UNC79: variants seen among roughly 807,000 people sequenced by gnomAD.
The protein encoded by UNC79 is protein unc-79 homolog.
Under a neutral mutation model 283.1 loss-of-function variants are expected in UNC79, and 37 were observed. The observed-to-expected ratio is 0.13, with a 90% CI of 0.10 to 0.17. The LOEUF (loss-of-function observed/expected upper bound fraction) is 0.17. UNC79 is among the 10% of genes least tolerant of loss of function. The pLI is 1.00. For synonymous variants in UNC79, 1,107 were observed against 1,200.2 expected (o/e 0.92, Z 1.61); for missense variants, 2,272 against 3,211.1 (o/e 0.71, Z 7.07).
At chr14:93,610,122 T>G (rs1449940747) in intron 26 of UNC79, among the ~76,000 whole-genome samples, 1 of 152,134 alleles carries the variant, frequency 6.6e-6, no homozygotes, top group Non-Finnish European at 1.5e-5. Context: ...CATGCCCACT[T>G]GTAATGAGAA....
At chr14:93,468,093 C>T (rs2057309760) in intron 2 of UNC79, among the ~76,000 whole-genome samples, 2 of 152,012 alleles carry the variant, frequency 1.3e-5, no homozygotes, top group South Asian at 4.1e-4. Flanking sequence ...AAAGGATAGC[C>T]TACAATTGCT....
In UNC79 at chr14:93,617,618, T is replaced by C. The variant is rs2066823029; in HGVS notation, c.4224+314T>C. Among the ~76,000 whole-genome samples the C allele has an allele frequency of 1.3e-5, 2 of 152,176 alleles. No homozygotes were observed. Among genetic ancestry groups the C allele is most frequent in the African/African-American group, 4.8e-5 (2 of 41,438 alleles). On this transcript the variant is annotated intron_variant, in intron 28 of 48. Coordinates refer to ENST00000555664, the Ensembl canonical transcript of UNC79. This position sits in a 1 kb window ranked among gnomAD's most constrained non-coding sequence, Gnocchi z 4.5. Reference sequence around the variant, plus strand: ...TTATTATTTCAGAAAACAAAAGATATCTGAAATTGTATTCATCCACTAAAG... The same window carrying C: ...TTATTATTTCAGAAAACAAAAGATACCTGAAATTGTATTCATCCACTAAAG...
In UNC79 at chr14:93,371,881, G is replaced by T. The variant is rs56267076; in HGVS notation, c.-351+38358G>T. ...AAAAACAACTGACTTCTCAGAAACC[G>T]TGCAAACAAGATGATAGTGGAGTGA... On this transcript the variant is annotated intron_variant, in intron 1 of 49. Coordinates refer to the UNC79 transcript ENST00000256339. Among the ~76,000 whole-genome samples the T allele has an allele frequency of 1.5e-4, 23 of 151,744 alleles. No individual in the cohort carries two copies. The East Asian group carries it at 4.3e-3, about 28-fold the overall frequency.
At chr14:93,508,230 G>A (rs1346989740) in intron 7 of UNC79, among the ~76,000 whole-genome samples, 9 of 149,052 alleles carry the variant, frequency 6.0e-5, no homozygotes, top group African/African-American at 9.8e-5. Flanking sequence ...CACTAAACCC[G>A]AAAAAAGGCC....
At chr14:93,364,935 G>GT (rs141849369) in intron 1 of UNC79, among the ~76,000 whole-genome samples, 2,640 of 152,128 alleles carry the variant, frequency 0.017, 58 homozygotes, top group Non-Finnish European at 0.025. Flanking sequence ...AAATTCTCAA[G>GT]TACAGAAGTG....
chr14:93,565,914 T>C (rs1454750575), intron 14 of UNC79, among the ~76,000 whole-genome samples: 1 of 152,148 alleles, frequency 6.6e-6, no homozygotes, highest in Non-Finnish European at 1.5e-5. Flanking sequence ...CCTGTGTGGG[T>C]ATCTATTCGG....
chr14:93,667,581 C>T (rs1441956458), intron 40 of UNC79, among the ~76,000 whole-genome samples: 1 of 152,060 alleles, frequency 6.6e-6, no homozygotes, highest in African/African-American at 2.4e-5. Flanking sequence ...AAAACTATTC[C>T]AGCTTTAGAG....
chr14:93,582,406 C>A, intron 20 of UNC79, 62 bp downstream of exon 20: 6 of 1,587,446 alleles, frequency 3.8e-6, no homozygotes, highest in Middle Eastern at 2.0e-4. Flanking sequence ...CTCAAATCAC[C>A]GGGTTCTTGG....
At chr14:93,521,053 G>A (rs901552105) in intron 7 of UNC79, among the ~76,000 whole-genome samples, 5 of 151,994 alleles carry the variant, frequency 3.3e-5, no homozygotes, top group Non-Finnish European at 7.4e-5. Context: ...TGGCAATCAA[G>A]CTACTTGTGG....
chr14:93,422,450 G>C lies in UNC79; in HGVS notation c.-350-45221G>C, dbSNP rs185549110. On this transcript the variant is annotated intron_variant, in intron 1 of 49. Coordinates refer to the UNC79 transcript ENST00000256339. ...TCAGACTTAAGGTCTGTGTTGATGT[G>C]AATGCTGGTTGGCCTTTCCTGAATT... 1.1e-4 allele frequency among the ~76,000 whole-genome samples: 16 copies of C among 152,266 alleles called. No individual in the cohort carries two copies. In the East Asian group the frequency reaches 2.9e-3, roughly 28 times the overall value.
Position 93,523,969 on chromosome 14 carries a change from A to G in UNC79, c.899-9A>G. The G allele has an allele frequency of 3.1e-6, 5 of 1,614,042 alleles. No individual in the cohort carries two copies. The highest frequency in any genetic ancestry group is 4.2e-6 in the Non-Finnish European group (5 of 1,179,878). On this transcript the variant is annotated splice_polypyrimidine_tract_variant and intron_variant, in intron 7 of 48. Transcript: ENST00000555664. ...GAGAAGTATTCATCAGCTGTGCTTT[A>G]CTTTACAGCTTGGAATCCCATCCAC...
intron 31 of UNC79, 115 bp downstream of exon 33, chr14:93,631,023 A>C: frequency 1.0e-6 from 1 of 970,982 alleles, no homozygotes; most frequent in Non-Finnish European, 1.6e-6. Context: ...ATGTTGCATC[A>C]GCTTCCTTGG....
chr14:93,616,735 A>G (rs1380313248), intron 27 of UNC79, among the ~76,000 whole-genome samples: 1 of 152,170 alleles, frequency 6.6e-6, no homozygotes, highest in Admixed American at 6.5e-5. Context: ...TTTGGTTGGT[A>G]TAATACTTGG....
intron 22 of UNC79, among the ~76,000 whole-genome samples, chr14:93,587,946 C>T (rs2064337309): frequency 6.6e-6 from 1 of 152,098 alleles, no homozygotes; most frequent in Non-Finnish European, 1.5e-5. Context: ...ATAGAATTTT[C>T]ATTGGTAGAG....
chr14:93,383,366 C>T (rs1464810293), intron 1 of UNC79, among the ~76,000 whole-genome samples: 2 of 152,148 alleles, frequency 1.3e-5, no homozygotes, highest in African/African-American at 2.4e-5. Context: ...TAATAATCTA[C>T]AGGCATACCC....
chr14:93,673,296 A>G (rs1008645634), intron 40 of UNC79, 55 bp from the exon 44 acceptor site: 7 of 1,522,492 alleles, frequency 4.6e-6, no homozygotes, highest in Non-Finnish European at 3.6e-6. Flanking sequence ...TGACATGGAT[A>G]TACTCTAATT....
chr14:93,593,164 C>G (rs1406927819), intron 22 of UNC79, among the ~76,000 whole-genome samples: 1 of 152,192 alleles, frequency 6.6e-6, no homozygotes, highest in Non-Finnish European at 1.5e-5. Flanking sequence ...TGTTGACGTT[C>G]TTTGATCAGC....
chr14:93,499,619 A>G (rs2059185211), intron 7 of UNC79, among the ~76,000 whole-genome samples: 1 of 152,170 alleles, frequency 6.6e-6, no homozygotes, highest in African/African-American at 2.4e-5. Flanking sequence ...GAAGCAGTAA[A>G]GAAAACATGA....
intron 12 of UNC79, among the ~76,000 whole-genome samples, chr14:93,539,696 C>A (rs578186257): frequency 6.6e-6 from 1 of 152,144 alleles, no homozygotes; most frequent in African/African-American, 2.4e-5. Flanking sequence ...CTCAGCCATA[C>A]TGATGATGAT....
Sources: allele counts gnomAD v4.1 joint callset (sites outside exome capture counted in the v4.1 genomes callset), GRCh38; gene constraint gnomAD v4.1.1; non-coding constraint Gnocchi (gnomAD v3.1); transcripts MANE v1.5; gene names NCBI Gene and HGNC (gene_info 2026-07-23, HGNC 2026-07-21).